Variants in EXOSC4 observed in about 807,000 individuals in gnomAD.
EXOSC4 encodes exosome complex component RRP41.
EXOSC4 carries 14 observed loss-of-function variants against 20.0 expected under a neutral mutation model. That is an observed-to-expected ratio of 0.70 (90% CI 0.46 to 1.09). The LOEUF is 1.09. EXOSC4 is among the 50% of genes least tolerant of loss of function. The probability of loss-of-function intolerance (pLI) is 0.00; values close to 1 mark genes in which losing one functional copy is unlikely to be tolerated. For synonymous variants in EXOSC4, 148 were observed against 146.4 expected (o/e 1.01, Z -0.08); for missense variants, 337 against 334.0 (o/e 1.01, Z -0.07).
At position 144,078,892 on chromosome 8, in the gene EXOSC4, C is replaced by G; in HGVS notation, c.164C>G (p.Pro55Arg). 2 of 1,479,682 alleles carry G rather than the reference C, an allele frequency of 1.4e-6. No individual in the cohort carries two copies. The highest frequency in any genetic ancestry group is 1.8e-6 in the Non-Finnish European group (2 of 1,111,434). 91.7% of individuals were successfully genotyped at this position (1,479,682 alleles called of 1,614,324 possible). ...AAGGCACTGGCTGTGGTCTACGGCC[C>G]GCACGAGGCGAGTGGGCGCGCGGGA... ...NTKALAVVYG[P>R]HEIRGSRARA... The change falls in exon 1 of 3, where the codon CCG becomes CGG. Residue 55 changes from proline to arginine, a missense_variant. Coordinates refer to ENST00000316052, the MANE Select transcript of EXOSC4 (RefSeq NM_019037.3). The surrounding 1 kb of genome is among the most constrained non-coding windows in gnomAD (Gnocchi z 4.7).
At chr8:144,076,757 C>A (rs992287034), upstream of EXOSC4, among the ~76,000 whole-genome samples, 1 of 152,208 alleles carries the variant, frequency 6.6e-6, no homozygotes, top group African/African-American at 2.4e-5. Flanking sequence ...GCTCCCTGGG[C>A]GTCTAGTCTT....
rs1401247605 is a variant in EXOSC4 at position 144,078,990 on chromosome 8, G to A, written c.171+91G>A. The A allele has an allele frequency of 1.5e-6, 2 of 1,316,874 alleles. No homozygotes were observed. Among genetic ancestry groups the A allele is most frequent in the East Asian group, 3.1e-5 (1 of 32,382 alleles). 81.6% of individuals were successfully genotyped at this position (1,316,874 alleles called of 1,614,324 possible). ...CTGGCTCGGGGACTTGAGGGGCAAC[G>A]GCCGGCGCGCCTCAGTCTACACAGC... On this transcript the variant is annotated intron_variant, in intron 1 of 2. Transcript: ENST00000316052. This position sits in a 1 kb window ranked among gnomAD's most constrained non-coding sequence, Gnocchi z 4.7.
chr8:144,074,238 C>A (rs2129909639), upstream of EXOSC4, among the ~76,000 whole-genome samples: 1 of 152,326 alleles, frequency 6.6e-6, no homozygotes, highest in East Asian at 1.9e-4. Flanking sequence ...CTTCCCCCTG[C>A]AACCTGCCAT....
At chr8:144,066,943 C>T in the EXOSC4 span, among the ~76,000 whole-genome samples, 1 of 152,120 alleles carries the variant, frequency 6.6e-6, no homozygotes, top group African/African-American at 2.4e-5. Flanking sequence ...CAAAATTAGC[C>T]AGGCGTGGTG....
chr8:144,078,580 A>G (rs1835860129), upstream of EXOSC4: 1 of 848,850 alleles, frequency 1.2e-6, no homozygotes, highest in South Asian at 2.5e-5. This position sits in a 1 kb window ranked among gnomAD's most constrained non-coding sequence, Gnocchi z 4.7. Context: ...CACGGAGGTC[A>G]GGGCCGCGGA....
In EXOSC4 at chr8:144,080,551, C is replaced by A. The variant is rs141229810; in HGVS notation, c.688C>A (p.Arg230=). 1 of 1,600,790 alleles carries A rather than the reference C, an allele frequency of 6.2e-7. No homozygotes were observed. The highest frequency in any genetic ancestry group is 8.5e-7 in the Non-Finnish European group (1 of 1,179,950). ...CCGAGATGTGCACACCCTCTTAGAT[C>A]GAGTGGTCCGGCAGCATGTGCGTGA... ...AARDVHTLLD[R]VVRQHVREAS... Residue 230 remains arginine (R), a synonymous_variant, in exon 3 of 3, where the codon CGA becomes AGA. Transcript: ENST00000316052. This position sits in a 1 kb window ranked among gnomAD's most constrained non-coding sequence, Gnocchi z 4.9.
chr8:144,080,364 C>T lies in EXOSC4; in HGVS notation c.501C>T (p.Gly167=), dbSNP rs1554763315. 1 of 1,612,774 alleles carries T rather than the reference C, an allele frequency of 6.2e-7. No homozygotes were observed. Among genetic ancestry groups the T allele is most frequent in the African/African-American group, 1.3e-5 (1 of 74,944 alleles). The change falls in exon 3 of 3, where the codon GGC becomes GGT. Residue 167 remains glycine, a synonymous_variant. Coordinates refer to ENST00000316052, the MANE Select transcript of EXOSC4 (RefSeq NM_019037.3). The surrounding 1 kb of genome is among the most constrained non-coding windows in gnomAD (Gnocchi z 4.9). ...VCACSAGFVD[G]TALADLSHVE... ...CGTGCTCAGCTGGCTTCGTGGACGGCACAGCCCTGGCGGACCTCAGCCATG... is the reference window on the plus strand; with the variant it reads ...CGTGCTCAGCTGGCTTCGTGGACGGTACAGCCCTGGCGGACCTCAGCCATG...
chr8:144,074,557 G>A (rs951473255), upstream of EXOSC4, among the ~76,000 whole-genome samples: 1 of 152,004 alleles, frequency 6.6e-6, no homozygotes, highest in Non-Finnish European at 1.5e-5. Flanking sequence ...TTTGGGGCGG[G>A]GGGTGGTTCT....
At chr8:144,068,707 C>G in the EXOSC4 span, among the ~76,000 whole-genome samples, 1 of 152,240 alleles carries the variant, frequency 6.6e-6, no homozygotes, top group African/African-American at 2.4e-5. Context: ...TTGAGCTCAG[C>G]CTGCTTCCCC....
chr8:144,080,031 A>G lies in EXOSC4; in HGVS notation c.260A>G (p.Lys87Arg), dbSNP rs1554763256. The change falls in exon 2 of 3, where the codon AAG becomes AGG. Residue 87 changes from lysine (K) to arginine (R), a missense_variant. By Grantham distance (26) the Lys-to-Arg change is conservative (BLOSUM62 2). Coordinates refer to ENST00000316052, the MANE Select transcript of EXOSC4 (RefSeq NM_019037.3). The surrounding 1 kb of genome is among the most constrained non-coding windows in gnomAD (Gnocchi z 4.9). ...SSATFSTGER[K>R]RRPHGDRKSC... ...GCGACCTTCAGCACAGGTGAGCGCA[A>G]GCGACGGCCACATGGGGACCGTAAG... 1.2e-6 allele frequency: 2 copies of G among 1,613,978 alleles called. No homozygotes were observed. The highest frequency in any genetic ancestry group is 2.7e-5 in the African/African-American group (2 of 74,932).
chr8:144,079,190 A>G, intron 1 of EXOSC4: 1 of 330,206 alleles, frequency 3.0e-6, no homozygotes, highest in South Asian at 9.2e-5. Context: ...CTCCGACGTC[A>G]CTCCTTCCCA....
At chr8:144,076,064 T>C (rs1023513113), upstream of EXOSC4, among the ~76,000 whole-genome samples, 41 of 152,194 alleles carry the variant, frequency 2.7e-4, no homozygotes, top group Non-Finnish European at 1.9e-4. Context: ...TGTACAAATA[T>C]GGCTCATGCT....
chr8:144,078,904 G>T lies in EXOSC4; in HGVS notation c.171+5G>T. The T allele has an allele frequency of 2.0e-6, 3 of 1,464,400 alleles. No homozygotes were observed. The highest frequency in any genetic ancestry group is 2.7e-6 in the Non-Finnish European group (3 of 1,103,428). 90.7% of individuals were successfully genotyped at this position (1,464,400 alleles called of 1,614,324 possible). ...GTGGTCTACGGCCCGCACGAGGCGA[G>T]TGGGCGCGCGGGATGGGGAATCGTG... On this transcript the variant is annotated splice_donor_5th_base_variant and intron_variant, in intron 1 of 2. Transcript: ENST00000316052. The surrounding 1 kb of genome is among the most constrained non-coding windows in gnomAD (Gnocchi z 4.7).
chr8:144,065,710 G>T, the EXOSC4 span, among the ~76,000 whole-genome samples: 1 of 152,040 alleles, frequency 6.6e-6, no homozygotes, highest in Admixed American at 6.6e-5. Context: ...ACTCCAGCCT[G>T]GGCAACAGAA....
the EXOSC4 span, among the ~76,000 whole-genome samples, chr8:144,065,756 A>G: frequency 6.6e-6 from 1 of 151,688 alleles, no homozygotes; most frequent in Non-Finnish European, 1.5e-5. Flanking sequence ...AATAATTCCT[A>G]TAATTAGGAA....
chr8:144,066,558 C>T, the EXOSC4 span, among the ~76,000 whole-genome samples: 1 of 150,876 alleles, frequency 6.6e-6, no homozygotes, highest in South Asian at 2.1e-4. Context: ...TCTCCTGCCT[C>T]AGCCTCCCAA....
upstream of EXOSC4, among the ~76,000 whole-genome samples, chr8:144,076,129 CTG>C (rs1835833780): frequency 6.6e-6 from 1 of 152,180 alleles, no homozygotes; most frequent in Non-Finnish European, 1.5e-5. Flanking sequence ...TTGGCACAGA[CTG>C]TGTATGTGAC....
At chr8:144,076,910 A>G (rs887751945), upstream of EXOSC4, among the ~76,000 whole-genome samples, 5 of 152,060 alleles carry the variant, frequency 3.3e-5, no homozygotes, top group Admixed American at 3.3e-4. Flanking sequence ...TACTAAAACT[A>G]CAAAAAAAAA....
At chr8:144,070,320 T>A in the EXOSC4 span, among the ~76,000 whole-genome samples, 2 of 151,758 alleles carry the variant, frequency 1.3e-5, no homozygotes, top group African/African-American at 4.8e-5. Flanking sequence ...GGTCAGGAGT[T>A]CAAGACCAGC....
Sources: gnomAD v4.1 joint callset for allele counts (sites outside exome capture counted in the v4.1 genomes callset) on GRCh38, gnomAD v4.1.1 for gene constraint, Gnocchi (gnomAD v3.1) non-coding constraint, MANE v1.5 for transcripts, NCBI Gene and HGNC (gene_info 2026-07-23, HGNC 2026-07-21) for gene names.